Variants in NRXN1 observed in about 807,000 individuals in gnomAD.
The protein encoded by NRXN1 is neurexin 1.
NRXN1 carries 39 observed loss-of-function variants against 150.9 expected under a neutral mutation model. The observed-to-expected ratio is 0.26, with a 90% CI of 0.20 to 0.34. The LOEUF (loss-of-function observed/expected upper bound fraction) is 0.34, where lower values mean the gene tolerates loss of function less well. Among genes scored for constraint, NRXN1 ranks in the 10% least tolerant of loss-of-function variants. The pLI is 1.00. For missense variants in NRXN1, 1,815 were observed against 1,949.9 expected, an observed-to-expected ratio of 0.93 and a Z score of 1.30; for synonymous variants, 924 against 757.0, an observed-to-expected ratio of 1.22 and a Z score of -3.62.
chr2:50,373,905 T>C (rs2080291813), intron 17 of NRXN1, among the ~76,000 whole-genome samples: 1 of 152,072 alleles, frequency 6.6e-6, no homozygotes, highest in Non-Finnish European at 1.5e-5. Flanking sequence ...ATTAAAATAT[T>C]TGCAGGTAGA....
At chr2:50,782,940 C>T (rs531959541) in intron 5 of NRXN1, among the ~76,000 whole-genome samples, 2 of 152,270 alleles carry the variant, frequency 1.3e-5, no homozygotes, top group African/African-American at 4.8e-5. Flanking sequence ...TCTGTGCAAA[C>T]TAACTCATAG....
chr2:50,271,598 A>T (rs1405718536), intron 17 of NRXN1, among the ~76,000 whole-genome samples: 6 of 152,200 alleles, frequency 3.9e-5, no homozygotes, highest in African/African-American at 1.4e-4. Context: ...GACACATTTT[A>T]ACAAGATTTT....
At chr2:50,428,910 A>G (rs1214104085) in intron 17 of NRXN1, among the ~76,000 whole-genome samples, 1 of 152,200 alleles carries the variant, frequency 6.6e-6, no homozygotes, top group Non-Finnish European at 1.5e-5. Flanking sequence ...TTATATATTT[A>G]GGTCTGTGAA....
At chr2:51,003,651 T>G (rs991621148) in intron 2 of NRXN1, among the ~76,000 whole-genome samples, 6 of 152,000 alleles carry the variant, frequency 3.9e-5, no homozygotes, top group African/African-American at 1.4e-4. Flanking sequence ...TGTATGTAGC[T>G]TATTTGCCTC....
chr2:50,431,294 C>T (rs1209545905), intron 17 of NRXN1, among the ~76,000 whole-genome samples: 4 of 152,114 alleles, frequency 2.6e-5, no homozygotes, highest in Non-Finnish European at 5.9e-5. Flanking sequence ...CCTTGACATC[C>T]TAGGTTTTTC....
At chr2:50,551,741 C>A (rs138753113) in intron 9 of NRXN1, among the ~76,000 whole-genome samples, 206 of 152,166 alleles carry the variant, frequency 1.4e-3, no homozygotes, top group African/African-American at 4.7e-3. Flanking sequence ...AAACAGATTT[C>A]TCTCTCCTTA....
At chr2:50,334,192 A>AATTTTATATATATATATATAT (rs57808424) in intron 17 of NRXN1, among the ~76,000 whole-genome samples, 54 of 118,950 alleles carry the variant, frequency 4.5e-4, no homozygotes, top group African/African-American at 8.2e-4. Context: ...ACCAGGACCA[A>AATTTTATATATATATATATAT]ATATATATAT....
chr2:50,199,231 G>A (rs2061987990), intron 18 of NRXN1: 1 of 152,044 alleles, frequency 6.6e-6, no homozygotes, highest in South Asian at 2.1e-4. Context: ...TGAATCCAAA[G>A]GTTCATATAT....
intron 17 of NRXN1, among the ~76,000 whole-genome samples, chr2:50,421,574 T>A (rs1409610664): frequency 6.6e-6 from 1 of 152,164 alleles, no homozygotes; most frequent in Non-Finnish European, 1.5e-5. Context: ...TATGGCTGTA[T>A]CTTTTTAATC....
At chr2:50,105,995 A>G (rs1701588049) in intron 18 of NRXN1, among the ~76,000 whole-genome samples, 1 of 151,896 alleles carries the variant, frequency 6.6e-6, no homozygotes, top group Non-Finnish European at 1.5e-5. Flanking sequence ...TAATTTTTCA[A>G]CTTTCTTAGT....
chr2:50,856,644 A>G (rs1223820985), intron 5 of NRXN1, among the ~76,000 whole-genome samples: 2 of 152,128 alleles, frequency 1.3e-5, no homozygotes, highest in Admixed American at 1.3e-4. Context: ...ACAAATGTAC[A>G]TCAAAACAGG....
intron 18 of NRXN1, among the ~76,000 whole-genome samples, chr2:50,166,831 G>C (rs1205239752): frequency 6.6e-6 from 1 of 152,060 alleles, no homozygotes; most frequent in Non-Finnish European, 1.5e-5. Context: ...AAAAATCTCA[G>C]AGGCTAATCA....
intron 21 of NRXN1, among the ~76,000 whole-genome samples, chr2:50,001,759 A>T (rs1249447051): frequency 6.6e-6 from 1 of 152,184 alleles, no homozygotes; most frequent in Admixed American, 6.5e-5. Context: ...TGTTGTAAAC[A>T]GACCTTAGAC....
At chr2:50,598,013 C>A (rs377486082) in intron 8 of NRXN1, among the ~76,000 whole-genome samples, 1 of 152,054 alleles carries the variant, frequency 6.6e-6, no homozygotes, top group Non-Finnish European at 1.5e-5. Flanking sequence ...GTGGCAGGCA[C>A]CTGTAATCCC....
At chr2:49,965,903 G>A (rs181957618) in intron 21 of NRXN1, among the ~76,000 whole-genome samples, 8 of 152,270 alleles carry the variant, frequency 5.3e-5, no homozygotes, top group African/African-American at 1.9e-4. Flanking sequence ...TATAAAATAT[G>A]TATTGATATA....
intron 18 of NRXN1, among the ~76,000 whole-genome samples, chr2:50,120,663 C>G (rs1339904387): frequency 6.6e-6 from 1 of 152,044 alleles, no homozygotes; most frequent in Non-Finnish European, 1.5e-5. Context: ...TTGACCTTTA[C>G]TGATTTGATA....
intron 2 of NRXN1, among the ~76,000 whole-genome samples, chr2:50,986,343 A>G (rs1223482067): frequency 6.6e-6 from 1 of 151,752 alleles, no homozygotes; most frequent in Non-Finnish European, 1.5e-5. Context: ...AGATGAATAA[A>G]TGTATCCATG....
chr2:50,755,693 C>T (rs368747732), intron 5 of NRXN1, among the ~76,000 whole-genome samples: 2 of 151,802 alleles, frequency 1.3e-5, no homozygotes, highest in East Asian at 3.9e-4. Flanking sequence ...GAGGAAATCC[C>T]AATCAGACAT....
intron 17 of NRXN1, among the ~76,000 whole-genome samples, chr2:50,429,359 C>A (rs1431047708): frequency 6.6e-6 from 1 of 152,116 alleles, no homozygotes; most frequent in East Asian, 1.9e-4. Flanking sequence ...CAGGTTCAAG[C>A]AATTCTTGTG....
Sources: gnomAD v4.1 joint callset for allele counts (sites outside exome capture counted in the v4.1 genomes callset) on GRCh38, gnomAD v4.1.1 for gene constraint, MANE v1.5 for transcripts, NCBI Gene and HGNC (gene_info 2026-07-23, HGNC 2026-07-21) for gene names.